The following ADCY2 variants were observed in gnomAD, a reference collection of about 807,000 sequenced individuals.
The protein encoded by ADCY2 is adenylate cyclase type 2.
In ADCY2, 31 loss-of-function variants were observed where a neutral mutation model predicts 125.2. The ratio of observed to expected loss-of-function variants is 0.25; its 90% CI spans 0.19 to 0.33. The LOEUF (loss-of-function observed/expected upper bound fraction) is 0.33. Among genes scored for constraint, ADCY2 ranks in the 10% least tolerant of loss-of-function variants. ADCY2 has a pLI of 1.00. For synonymous variants in ADCY2, 512 were observed against 548.4 expected (o/e 0.93, Z 0.93); for missense variants, 904 against 1,418.2 (o/e 0.64, Z 5.82).
At chr5:7,609,595 A>G (rs896590436) in intron 3 of ADCY2, among the ~76,000 whole-genome samples, 1 of 152,368 alleles carries the variant, frequency 6.6e-6, no homozygotes, top group East Asian at 1.9e-4. Flanking sequence ...CCCAATCTAT[A>G]TATAGGGGAA....
chr5:7,778,187 A>G (rs1408815230), intron 18 of ADCY2, among the ~76,000 whole-genome samples: 1 of 152,222 alleles, frequency 6.6e-6, no homozygotes, highest in African/African-American at 2.4e-5. Context: ...TTTTGTCTCA[A>G]AGACACTTAT....
At chr5:7,652,624 T>G (rs1203408459) in intron 4 of ADCY2, among the ~76,000 whole-genome samples, 1 of 152,262 alleles carries the variant, frequency 6.6e-6, no homozygotes, top group Admixed American at 6.5e-5. Flanking sequence ...GAATTCCTTT[T>G]GTCAGGTTAA....
At chr5:7,810,796 C>T (rs1744916375) in intron 22 of ADCY2, among the ~76,000 whole-genome samples, 1 of 152,168 alleles carries the variant, frequency 6.6e-6, no homozygotes, top group African/African-American at 2.4e-5. Flanking sequence ...ACACCACTCC[C>T]TATTGCCTCA....
rs76451818 is a variant in ADCY2 at position 7,555,011 on chromosome 5, A to T, written c.570+34112A>T. Among the ~76,000 whole-genome samples the T allele has an allele frequency of 1.4e-4, 22 of 152,302 alleles. No individual in the cohort carries two copies. In the East Asian group the frequency reaches 4.2e-3, roughly 29 times the overall value. On this transcript the variant is annotated intron_variant, in intron 3 of 24. Coordinates refer to ENST00000338316, the MANE Select transcript of ADCY2 (RefSeq NM_020546.3). The stretch of plus-strand genomic sequence containing the variant: ...GAAGGAAGGAAGTGGCAGTTTCATA[A>T]GCAGTTCATCCTCAGATCAAAAGTC...
At chr5:7,626,642 C>T (rs550542481) in intron 4 of ADCY2, among the ~76,000 whole-genome samples, 48 of 152,136 alleles carry the variant, frequency 3.2e-4, no homozygotes, top group African/African-American at 1.1e-3. Context: ...GATCACTTAG[C>T]GAGAGAGGAA....
chr5:7,681,991 G>A (rs1740354995), intron 4 of ADCY2, among the ~76,000 whole-genome samples: 1 of 152,090 alleles, frequency 6.6e-6, no homozygotes, highest in South Asian at 2.1e-4. Context: ...TCCTCCCACT[G>A]GTTCTAATCC....
At chr5:7,757,072 A>G (rs1374961982) in intron 15 of ADCY2, among the ~76,000 whole-genome samples, 2 of 152,194 alleles carry the variant, frequency 1.3e-5, no homozygotes, top group African/African-American at 4.8e-5. Flanking sequence ...CACATAAATC[A>G]GCTGAATAAA....
At position 7,695,788 on chromosome 5, in the gene ADCY2, G is replaced by T; in HGVS notation, c.906G>T (p.Leu302=). The T allele has an allele frequency of 4.3e-6, 7 of 1,612,692 alleles. No individual in the cohort carries two copies. The East Asian group carries it at 1.6e-4, about 36-fold the overall frequency. The change falls in exon 6 of 25, where the codon CTG becomes CTT. Residue 302 remains leucine (L), a synonymous_variant. Transcript: ENST00000338316. ...LYADIVGFTR[L]ASDCSPGELV... is the part of the protein sequence containing the mutation. ...CTGACATCGTTGGCTTTACCCGGCT[G>T]GCAAGTGACTGCTCCCCGGGAGAAC...
chr5:7,627,886 T>C (rs1383243204), intron 4 of ADCY2, among the ~76,000 whole-genome samples: 1 of 152,206 alleles, frequency 6.6e-6, no homozygotes, highest in Non-Finnish European at 1.5e-5. Flanking sequence ...TTGGTATGAT[T>C]AGAAAATATG....
intron 5 of ADCY2, among the ~76,000 whole-genome samples, chr5:7,692,744 T>G (rs1199049904): frequency 6.6e-6 from 1 of 152,206 alleles, no homozygotes; most frequent in Non-Finnish European, 1.5e-5. Flanking sequence ...CTCATGACAT[T>G]GCATTCCCTC....
intron 2 of ADCY2, among the ~76,000 whole-genome samples, chr5:7,502,795 A>C (rs1016363712): frequency 6.6e-6 from 1 of 152,178 alleles, no homozygotes; most frequent in Non-Finnish European, 1.5e-5. Context: ...TGTGCTTGAC[A>C]CTAGTAAAAT....
chr5:7,619,146 C>T (rs986033124), intron 3 of ADCY2, among the ~76,000 whole-genome samples: 6 of 152,160 alleles, frequency 3.9e-5, no homozygotes, highest in South Asian at 2.1e-4. Flanking sequence ...GTATCAGTGG[C>T]GATGTAAAGT....
At chr5:7,562,314 A>C (rs930615482) in intron 3 of ADCY2, among the ~76,000 whole-genome samples, 1 of 151,780 alleles carries the variant, frequency 6.6e-6, no homozygotes, top group African/African-American at 2.4e-5. Flanking sequence ...TTATTTTTTT[A>C]TTTACATCTA....
chr5:7,484,406 T>C (rs1742849198), intron 2 of ADCY2, among the ~76,000 whole-genome samples: 1 of 152,164 alleles, frequency 6.6e-6, no homozygotes. Flanking sequence ...AATGAAATTG[T>C]GTGAGTGTGC....
At chr5:7,825,336 CTGTGTGCTGTAACAACACTTGT>C (rs1745442849) in intron 24 of ADCY2, among the ~76,000 whole-genome samples, 1 of 152,084 alleles carries the variant, frequency 6.6e-6, no homozygotes, top group South Asian at 2.1e-4. Flanking sequence ...CATAACACTG[CTGTGTGCTGTAACAACACTTGT>C]TGTGTGCCGT....
At chr5:7,566,066 G>A (rs546402543) in intron 3 of ADCY2, among the ~76,000 whole-genome samples, 3 of 152,282 alleles carry the variant, frequency 2.0e-5, no homozygotes, top group South Asian at 4.1e-4. Context: ...CAAGGGAAAC[G>A]GCTACACAGA....
chr5:7,679,401 G>A (rs1272444493), intron 4 of ADCY2, among the ~76,000 whole-genome samples: 2 of 152,222 alleles, frequency 1.3e-5, no homozygotes, highest in African/African-American at 2.4e-5. Flanking sequence ...CTTGTCCAAC[G>A]TGTTAGAAGA....
intron 4 of ADCY2, among the ~76,000 whole-genome samples, chr5:7,640,230 A>G (rs1034794492): frequency 3.3e-5 from 5 of 152,194 alleles, no homozygotes; most frequent in African/African-American, 9.7e-5. Context: ...AAGGAAAAAA[A>G]TGTTTAGAGG....
At chr5:7,499,181 CATTTTCAGTAGAG>C (rs1743454854) in intron 2 of ADCY2, among the ~76,000 whole-genome samples, 2 of 152,114 alleles carry the variant, frequency 1.3e-5, no homozygotes, top group South Asian at 4.2e-4. Flanking sequence ...CTAATTTTTG[CATTTTCAGTAGAG>C]ATGGGGTTTC....
Sources: allele counts gnomAD v4.1 joint callset (sites outside exome capture counted in the v4.1 genomes callset), GRCh38; gene constraint gnomAD v4.1.1; transcripts MANE v1.5; gene names NCBI Gene and HGNC (gene_info 2026-07-23, HGNC 2026-07-21).